ARRB1: variants seen among roughly 807,000 people sequenced by gnomAD.
The protein encoded by ARRB1 is beta-arrestin-1.
ARRB1 carries 21 observed loss-of-function variants against 56.8 expected under a neutral mutation model. The ratio of observed to expected loss-of-function variants is 0.37; its 90% CI spans 0.26 to 0.53. ARRB1 has a LOEUF of 0.53. Among genes scored for constraint, ARRB1 ranks in the 20% least tolerant of loss-of-function variants. The probability of loss-of-function intolerance (pLI) is 0.88; values close to 1 mark genes in which losing one functional copy is unlikely to be tolerated. For synonymous variants in ARRB1, 210 were observed against 218.6 expected, an observed-to-expected ratio of 0.96 and a Z score of 0.35; for missense variants, 424 against 553.7, an observed-to-expected ratio of 0.77 and a Z score of 2.35.
chr11:75,282,129 G>A, intron 5 of ARRB1, 108 bp from the exon 6 acceptor site: 2 of 1,164,236 alleles, frequency 1.7e-6, no homozygotes, highest in South Asian at 1.3e-5. Context: ...GGGCCCCAGG[G>A]GACAGGCCAT....
rs1294350485 is a variant in ARRB1, at chr11:75,267,713, G to A, written c.1094-10C>T. On this transcript the variant is annotated splice_polypyrimidine_tract_variant and intron_variant, in intron 14 of 15. Transcript: ENST00000420843. Reference sequence around the variant, plus strand: ...GTCTCGTTCTCTGGAACTAAACACAGGGTGGGTGGGCAGGGTGTCCAGGGA... The same window carrying A: ...GTCTCGTTCTCTGGAACTAAACACAAGGTGGGTGGGCAGGGTGTCCAGGGA... 2.3e-5 allele frequency: 36 copies of A among 1,573,664 alleles called. No individual in the cohort carries two copies. Among genetic ancestry groups the A allele is most frequent in the African/African-American group, 2.7e-5 (2 of 73,924 alleles).
intron 13 of ARRB1, among the ~76,000 whole-genome samples, chr11:75,270,487 G>A (rs1946052914): frequency 6.6e-6 from 1 of 152,222 alleles, no homozygotes; most frequent in South Asian, 2.1e-4. Context: ...AATTAGCCGG[G>A]TGTGGTGGCG....
chr11:75,306,513 GA>G, intron 1 of ARRB1: 1 of 1,038,328 alleles, frequency 9.6e-7, no homozygotes, highest in Non-Finnish European at 1.3e-6. Flanking sequence ...AGAAAGAGAG[GA>G]AAAGCAAACT....
Position 75,268,935 on chromosome 11 carries a change from G to A in ARRB1, c.1047C>T (p.Phe349=), listed in dbSNP as rs1390816037. Residue 349 remains phenylalanine (F), a synonymous_variant, in exon 14 of 16, where the codon TTC becomes TTT. Transcript: ENST00000420843. ...CTTTGGGCTTGGGGTGCATTAGGGTGAAGGGCAGTTCCACGGCCACGTCGC... is the reference window on the plus strand; with the variant it reads ...CTTTGGGCTTGGGGTGCATTAGGGTAAAGGGCAGTTCCACGGCCACGTCGC... The part of the protein sequence containing the change: ...ASSDVAVELP[F]TLMHPKPKEE... 2 of 1,611,210 alleles carry A rather than the reference G, an allele frequency of 1.2e-6. No individual in the cohort carries two copies. The highest frequency in any genetic ancestry group is 1.7e-5 in the Admixed American group (1 of 58,902).
chr11:75,305,018 C>CTTTCTTT (rs1554978721), intron 1 of ARRB1, among the ~76,000 whole-genome samples: 21 of 86,716 alleles, frequency 2.4e-4, no homozygotes, highest in East Asian at 6.9e-4. Context: ...TTCTTTCTTT[C>CTTTCTTT]TTTTTTTTTT....
chr11:75,336,084 C>A (rs780981657), intron 1 of ARRB1, among the ~76,000 whole-genome samples: 12 of 152,154 alleles, frequency 7.9e-5, no homozygotes, highest in Admixed American at 2.0e-4. Flanking sequence ...CGTGCCTCTG[C>A]CCTGTCTCAT....
At chr11:75,296,389 A>G (rs1261450362) in intron 1 of ARRB1, among the ~76,000 whole-genome samples, 3 of 152,104 alleles carry the variant, frequency 2.0e-5, no homozygotes, top group African/African-American at 7.2e-5. Context: ...TTCTGATTCC[A>G]TTCCATCAAG....
chr11:75,278,856 C>A, intron 7 of ARRB1, 112 bp from the exon 8 acceptor site: 1 of 1,426,540 alleles, frequency 7.0e-7, no homozygotes, highest in Non-Finnish European at 9.4e-7. Context: ...CTCTCCATCA[C>A]CTTAGAATCC....
At chr11:75,287,925 C>T (rs151328240) in intron 2 of ARRB1, among the ~76,000 whole-genome samples, 4 of 152,134 alleles carry the variant, frequency 2.6e-5, no homozygotes, top group African/African-American at 9.6e-5. Flanking sequence ...TGCAATGGCG[C>T]GATCTCAGAT....
At chr11:75,319,822 G>A (rs1461166230) in intron 1 of ARRB1, among the ~76,000 whole-genome samples, 2 of 152,272 alleles carry the variant, frequency 1.3e-5, no homozygotes, top group African/African-American at 2.4e-5. Flanking sequence ...AAAATTAGAA[G>A]TACTCAAATT....
chr11:75,296,185 CA>C (rs11428462), intron 1 of ARRB1, among the ~76,000 whole-genome samples: 4,470 of 84,742 alleles, frequency 0.053, 42 homozygotes, highest in South Asian at 0.071. Flanking sequence ...GACTTTGTCT[CA>C]AAAAAAAAAA....
intron 1 of ARRB1, among the ~76,000 whole-genome samples, chr11:75,329,298 C>G (rs1204647506): frequency 6.6e-6 from 1 of 152,062 alleles, no homozygotes; most frequent in Non-Finnish European, 1.5e-5. Flanking sequence ...GATGGAGGGT[C>G]TCACCATGTT....
At chr11:75,299,378 G>A (rs928226432) in intron 1 of ARRB1, among the ~76,000 whole-genome samples, 17 of 151,226 alleles carry the variant, frequency 1.1e-4, no homozygotes, top group Admixed American at 8.6e-4. Context: ...TGAGCATAAA[G>A]TACTTTATAA....
intron 1 of ARRB1, among the ~76,000 whole-genome samples, chr11:75,331,376 C>CA (rs1397405226): frequency 6.6e-6 from 1 of 152,140 alleles, no homozygotes; most frequent in Admixed American, 6.6e-5. Flanking sequence ...TCATCTTCTA[C>CA]AAACCATGAA....
intron 12 of ARRB1, among the ~76,000 whole-genome samples, chr11:75,272,115 TG>T (rs897438835): frequency 3.3e-5 from 5 of 152,346 alleles, no homozygotes; most frequent in African/African-American, 1.2e-4. Flanking sequence ...ACACAGGATT[TG>T]GGATTTGTAA....
intron 1 of ARRB1, among the ~76,000 whole-genome samples, chr11:75,305,800 G>T (rs1947014921): frequency 6.6e-6 from 1 of 152,036 alleles, no homozygotes; most frequent in Non-Finnish European, 1.5e-5. Flanking sequence ...TAACACACCT[G>T]CATCACACTC....
At chr11:75,287,505 G>T in intron 2 of ARRB1, 130 bp from the exon 3 acceptor site, 1 of 859,634 alleles carries the variant, frequency 1.2e-6, no homozygotes, top group Non-Finnish European at 1.8e-6. Flanking sequence ...AAAATCCTAA[G>T]TGGACTTGGG....
chr11:75,281,043 G>GC (rs1416808207), intron 7 of ARRB1, 32 bp downstream of exon 7: 1 of 1,584,894 alleles, frequency 6.3e-7, no homozygotes, highest in East Asian at 2.3e-5. Context: ...CCCTCACCCA[G>GC]CAGGCGGCCC....
rs11403871 is a variant in ARRB1 at position 75,334,306 on chromosome 11, CAAAAAAAAA to C, written c.20+17273_20+17281del. ...TGACAGGGCAAGACTCCGTCTCAAA[CAAAAAAAAA>C]AAAAAAAAAAAGGCCCCATCCCGGT... On this transcript the variant is annotated intron_variant, in intron 1 of 15. Coordinates refer to ENST00000420843, the MANE Select transcript of ARRB1 (RefSeq NM_004041.5). Among the ~76,000 whole-genome samples, 569 of 109,730 alleles carry C rather than the reference CAAAAAAAAA, an allele frequency of 5.2e-3. 7 individuals carry two copies. Among genetic ancestry groups the C allele is most frequent in the African/African-American group, 0.019 (542 of 28,090 alleles). 72.0% of individuals were successfully genotyped at this position (109,730 alleles called of 152,430 possible).
Sources: gnomAD v4.1 joint callset for allele counts (sites outside exome capture counted in the v4.1 genomes callset) on GRCh38, gnomAD v4.1.1 for gene constraint, MANE v1.5 for transcripts, NCBI Gene and HGNC (gene_info 2026-07-23, HGNC 2026-07-21) for gene names.